The following MICALL2 variants were observed in gnomAD, a reference collection of about 807,000 sequenced individuals.
The protein encoded by MICALL2 is MICAL-like protein 2.
In MICALL2, 111 loss-of-function variants were observed where a neutral mutation model predicts 91.1. That is an observed-to-expected ratio of 1.22 (90% CI 1.04 to 1.43). The LOEUF is 1.43. Ranked by LOEUF, MICALL2 falls within the 40% of genes most tolerant of loss-of-function variation. MICALL2 has a pLI of 0.00. For missense variants in MICALL2, 1,556 were observed against 1,236.0 expected (o/e 1.26, Z -3.88); for synonymous variants, 694 against 525.3 (o/e 1.32, Z -4.39).
In MICALL2 at chr7:1,444,955, C is replaced by T. The variant is rs779552898; in HGVS notation, c.1115G>A (p.Arg372His). Residue 372 changes from arginine (R) to histidine (H), a missense_variant, in exon 6 of 17, where the codon CGC (arginine) becomes CAC (histidine). Coordinates refer to ENST00000297508, the MANE Select transcript of MICALL2 (RefSeq NM_182924.4). The stretch of plus-strand genomic sequence containing the variant: ...TCCCCCACCCTGGGGTGTGGCCGGG[C>T]GAGGGTCTGGGGCACTCGGGGGCAC... ...PAVPPSAPDP[R>H]PATPQGGGAP... 4.2e-5 allele frequency: 63 copies of T among 1,509,038 alleles called. No homozygotes were observed. The highest frequency in any genetic ancestry group is 3.5e-4 in the Middle Eastern group (2 of 5,690). The allele number at this position is 1,509,038 out of a possible 1,614,324, so 93.5% of individuals were successfully genotyped here. A position where few individuals can be genotyped will look rare whatever the true frequency, so the allele number is the denominator to read the frequency against.
At position 1,438,203 on chromosome 7, in the gene MICALL2, G is replaced by C; in HGVS notation, c.2205C>G (p.Leu735=). Residue 735 remains leucine (L), a synonymous_variant, in exon 12 of 17, where the codon CTC becomes CTG. Coordinates refer to ENST00000297508, the MANE Select transcript of MICALL2 (RefSeq NM_182924.4). ...TSPVRLHPDY[L]SPEEIQRQLQ... is the part of the protein sequence containing the mutation. The stretch of plus-strand genomic sequence containing the variant: ...GCTGCCTCTGTATCTCCTCCGGGGA[G>C]AGGTAGTCGGGGTGCAGCTGGGAAC... The C allele has an allele frequency of 1.3e-6, 2 of 1,583,984 alleles. No homozygotes were observed. Among genetic ancestry groups the C allele is most frequent in the Non-Finnish European group, 1.7e-6 (2 of 1,165,118 alleles).
chr7:1,434,678 G>T lies in MICALL2; in HGVS notation c.2639-6C>A. ...GGACTTCTTCCTCTGGAGGCCTAGGGGACAGGTGGACAGTGAGGCCGTGCT... is the reference window on the plus strand; with the variant it reads ...GGACTTCTTCCTCTGGAGGCCTAGGTGACAGGTGGACAGTGAGGCCGTGCT... On this transcript the variant is annotated splice_region_variant and splice_polypyrimidine_tract_variant and intron_variant, in intron 16 of 16. Coordinates refer to ENST00000297508, the MANE Select transcript of MICALL2 (RefSeq NM_182924.4). 1 of 1,545,382 alleles carries T rather than the reference G, an allele frequency of 6.5e-7. No homozygotes were observed. Among genetic ancestry groups the T allele is most frequent in the East Asian group, 2.3e-5 (1 of 44,246 alleles).
intron 3 of MICALL2, 96 bp downstream of exon 3, chr7:1,448,524 C>G: frequency 8.8e-7 from 1 of 1,141,052 alleles, no homozygotes; most frequent in Non-Finnish European, 1.3e-6. Flanking sequence ...GGGGGGGGGG[C>G]TGGGCATGGA....
intron 6 of MICALL2, among the ~76,000 whole-genome samples, chr7:1,442,750 A>T (rs930011338): frequency 6.6e-6 from 1 of 151,788 alleles, no homozygotes; most frequent in South Asian, 2.1e-4. Context: ...GGCCACAGAC[A>T]CCTGTTTCTG....
rs749140426 is a variant in MICALL2 at position 1,434,675 on chromosome 7, AGGG to A, written c.2639-6_2639-4del. 6.4e-7 allele frequency: 1 copy of A among 1,554,156 alleles called. No homozygotes were observed. Among genetic ancestry groups the A allele is most frequent in the South Asian group, 1.2e-5 (1 of 81,832 alleles). Reference sequence around the variant, plus strand: ...CTTGGACTTCTTCCTCTGGAGGCCTAGGGGACAGGTGGACAGTGAGGCCGTGCT... The same window carrying A: ...CTTGGACTTCTTCCTCTGGAGGCCTAGACAGGTGGACAGTGAGGCCGTGCT... On this transcript the variant is annotated splice_region_variant and splice_polypyrimidine_tract_variant and intron_variant, in intron 16 of 16. Coordinates refer to ENST00000297508, the MANE Select transcript of MICALL2 (RefSeq NM_182924.4).
chr7:1,445,759 C>G (rs1264146087), intron 5 of MICALL2, among the ~76,000 whole-genome samples: 2 of 152,214 alleles, frequency 1.3e-5, no homozygotes, highest in Non-Finnish European at 2.9e-5. Flanking sequence ...CAGGCCACCC[C>G]AGGCCCCACC....
intron 1 of MICALL2, among the ~76,000 whole-genome samples, chr7:1,458,513 T>C (rs1363585645): frequency 6.6e-6 from 1 of 152,200 alleles, no homozygotes; most frequent in Non-Finnish European, 1.5e-5. Context: ...ATGGAGCAGG[T>C]CCAGGCTCGG....
At chr7:1,443,706 C>A (rs148955802) in intron 6 of MICALL2, among the ~76,000 whole-genome samples, 8 of 152,168 alleles carry the variant, frequency 5.3e-5, no homozygotes, top group Admixed American at 3.9e-4. Flanking sequence ...AAGCCAAGAA[C>A]GCTCAGAGCC....
intron 6 of MICALL2, 52 bp from the exon 7 acceptor site, chr7:1,442,536 A>C (rs1403892488): frequency 6.7e-6 from 10 of 1,493,294 alleles, no homozygotes; most frequent in Non-Finnish European, 9.0e-6. Flanking sequence ...GCGCCCTCCC[A>C]CCATCACCCG....
intron 7 of MICALL2, 69 bp from the exon 8 acceptor site, chr7:1,440,753 T>A: frequency 7.5e-7 from 1 of 1,329,350 alleles, no homozygotes; most frequent in Non-Finnish European, 1.1e-6. Context: ...CAAGGGTGGC[T>A]GTGCCTCCCC....
chr7:1,444,852 C>G lies in MICALL2; in HGVS notation c.1218G>C (p.Trp406Cys), dbSNP rs2128522420. 3 of 1,604,902 alleles carry G rather than the reference C, an allele frequency of 1.9e-6. No homozygotes were observed. Among genetic ancestry groups the G allele is most frequent in the Non-Finnish European group, 2.5e-6 (3 of 1,177,570 alleles). Residue 406 changes from tryptophan to cysteine, a missense_variant, in exon 6 of 17, where the codon TGG (tryptophan) becomes TGC (cysteine). Trp to Cys is a radical substitution (Grantham distance 215). Transcript: ENST00000297508. ...TSAATVDPPA[W>C]TPSASRTQQA... ...GCTGGGTCCTGGAGGCGGACGGGGT[C>G]CAGGCTGGGGGGTCCACCGTGGCTG...
chr7:1,450,492 A>T, intron 1 of MICALL2: 1 of 582,814 alleles, frequency 1.7e-6, no homozygotes, highest in South Asian at 2.0e-5. Context: ...CTGGGACCGT[A>T]GTACGACATC....
chr7:1,439,604 T>TCACACA (rs57271852), intron 9 of MICALL2: 23 of 291,388 alleles, frequency 7.9e-5, no homozygotes, highest in African/African-American at 4.6e-4. Flanking sequence ...TACACATGCA[T>TCACACA]CACACATCAC....
intron 1 of MICALL2, among the ~76,000 whole-genome samples, chr7:1,455,179 T>C (rs1470809568): frequency 6.6e-6 from 1 of 152,240 alleles, no homozygotes; most frequent in African/African-American, 2.4e-5. Flanking sequence ...CTGCCCCATC[T>C]GCCCGAGGGC....
At chr7:1,453,569 C>A (rs1780912647) in intron 1 of MICALL2, among the ~76,000 whole-genome samples, 1 of 152,170 alleles carries the variant, frequency 6.6e-6, no homozygotes, top group South Asian at 2.1e-4. Context: ...ACACCCCTGT[C>A]CTTGCCGGAC....
In MICALL2 at chr7:1,438,893, C is replaced by T. The variant is rs767798767; in HGVS notation, c.2069G>A (p.Arg690Gln). The change falls in exon 10 of 17, where the codon CGA (arginine) becomes CAA (glutamine). Residue 690 changes from arginine (R) to glutamine (Q), a missense_variant. Coordinates refer to ENST00000297508, the MANE Select transcript of MICALL2 (RefSeq NM_182924.4). ...LRPEPPGQEA[R>Q]VQSWKEEEKK... is the part of the protein sequence containing the mutation. ...CTCCTCCTCCTTCCAGCTCTGCACT[C>T]GGGCTTCCTGGCCAGGGGGCTCCGG... is the stretch of plus-strand genomic sequence containing the variant. 2.0e-5 allele frequency: 33 copies of T among 1,610,742 alleles called. No homozygotes were observed. The highest frequency in any genetic ancestry group is 3.3e-5 in the South Asian group (3 of 91,066).
rs1209217875 is a variant in MICALL2, at chr7:1,451,408, T to C, written c.144-1120A>G. 1.3e-5 allele frequency among the ~76,000 whole-genome samples: 2 copies of C among 152,182 alleles called. No homozygotes were observed. Among genetic ancestry groups the C allele is most frequent in the Non-Finnish European group, 2.9e-5 (2 of 68,032 alleles). ...GAAGCCGGGTGCAGTGGCTCACACC[T>C]GTAGTCCCAGCTACTCAGGAGGCCA... On this transcript the variant is annotated intron_variant, in intron 1 of 16. Coordinates refer to ENST00000297508, the MANE Select transcript of MICALL2 (RefSeq NM_182924.4). The surrounding 1 kb of genome is among the most constrained non-coding windows in gnomAD (Gnocchi z 4.5).
chr7:1,442,614 C>A, intron 6 of MICALL2, 130 bp from the exon 7 acceptor site: 1 of 846,536 alleles, frequency 1.2e-6, no homozygotes, highest in Non-Finnish European at 1.8e-6. Context: ...CCCACCATCA[C>A]CCCAGGCCAC....
intron 1 of MICALL2, among the ~76,000 whole-genome samples, chr7:1,455,890 C>G (rs938407875): frequency 3.3e-5 from 5 of 152,004 alleles, no homozygotes; most frequent in African/African-American, 9.7e-5. Context: ...AATGAGGTGG[C>G]AAGGGCGGGG....
Sources: allele counts gnomAD v4.1 joint callset (sites outside exome capture counted in the v4.1 genomes callset), GRCh38; gene constraint gnomAD v4.1.1; non-coding constraint Gnocchi (gnomAD v3.1); transcripts MANE v1.5; gene names NCBI Gene and HGNC (gene_info 2026-07-23, HGNC 2026-07-21).